The following WWOX variants were observed in gnomAD, a reference collection of about 807,000 sequenced individuals.
WWOX encodes WW domain containing oxidoreductase.
Under a neutral mutation model 46.2 loss-of-function variants are expected in WWOX, and 69 were observed. The ratio of observed to expected loss-of-function variants is 1.49; its 90% CI spans 1.23 to 1.82. WWOX has a LOEUF of 1.82. WWOX is among the 40% of genes most tolerant of loss of function. WWOX has a pLI of 0.00. For synonymous variants in WWOX, 359 were observed against 202.6 expected (o/e 1.77, Z -6.56); for missense variants, 919 against 542.6 (o/e 1.69, Z -6.89).
At chr16:78,255,419 G>A (rs2038101014) in intron 5 of WWOX, among the ~76,000 whole-genome samples, 1 of 152,202 alleles carries the variant, frequency 6.6e-6, no homozygotes, top group African/African-American at 2.4e-5. Flanking sequence ...AATTCCGCTG[G>A]ATAAATTAGC....
At chr16:78,808,018 A>G (rs928014917) in intron 8 of WWOX, among the ~76,000 whole-genome samples, 64 of 152,294 alleles carry the variant, frequency 4.2e-4, no homozygotes, top group African/African-American at 1.5e-3. Context: ...ATTAAAGTCA[A>G]CCAGTTCAAA....
At chr16:78,991,323 G>A (rs1213579438) in intron 8 of WWOX, among the ~76,000 whole-genome samples, 1 of 152,168 alleles carries the variant, frequency 6.6e-6, no homozygotes, top group Non-Finnish European at 1.5e-5. Context: ...GCCAGGCACA[G>A]TGGCTCACGC....
intron 8 of WWOX, among the ~76,000 whole-genome samples, chr16:78,932,764 T>A (rs1366004412): frequency 6.6e-6 from 1 of 152,050 alleles, no homozygotes; most frequent in Non-Finnish European, 1.5e-5. Flanking sequence ...GGAGGGACCT[T>A]CCCAGAAGAG....
intron 8 of WWOX, among the ~76,000 whole-genome samples, chr16:79,171,207 C>G (rs1424947071): frequency 2.0e-5 from 3 of 152,054 alleles, no homozygotes; most frequent in East Asian, 1.9e-4. Flanking sequence ...CATAGGGACA[C>G]CCGGGGAAAA....
intron 4 of WWOX, among the ~76,000 whole-genome samples, chr16:78,137,555 T>A (rs1448580539): frequency 1.3e-5 from 2 of 152,216 alleles, no homozygotes; most frequent in African/African-American, 2.4e-5. Flanking sequence ...TATGGATGAC[T>A]TCATATATAT....
intron 8 of WWOX, among the ~76,000 whole-genome samples, chr16:78,796,234 C>G (rs889776491): frequency 6.6e-6 from 1 of 152,196 alleles, no homozygotes; most frequent in Non-Finnish European, 1.5e-5. Flanking sequence ...TATAGACATT[C>G]AGCAACTGGC....
At chr16:78,854,788 G>A (rs989861691) in intron 8 of WWOX, among the ~76,000 whole-genome samples, 1 of 152,104 alleles carries the variant, frequency 6.6e-6, no homozygotes, top group Non-Finnish European at 1.5e-5. Context: ...ACCACTTTTG[G>A]CCAGGCTGGT....
chr16:78,170,100 A>G lies in WWOX; in HGVS notation c.516+5811A>G, dbSNP rs75388525. On this transcript the variant is annotated intron_variant, in intron 5 of 8. Transcript: ENST00000566780. Reference sequence around the variant, plus strand: ...TGTCTTGAGTCTATTACCCTCTCATATGGGAGGGGTGACCCAAGTATGTTT... The same window carrying G: ...TGTCTTGAGTCTATTACCCTCTCATGTGGGAGGGGTGACCCAAGTATGTTT... Among the ~76,000 whole-genome samples, 963 of 152,172 alleles carry G rather than the reference A, an allele frequency of 6.3e-3. 8 individuals are homozygous for G. The highest frequency in any genetic ancestry group is 0.022 in the African/African-American group (917 of 41,508).
intron 8 of WWOX, among the ~76,000 whole-genome samples, chr16:79,155,696 A>AGGGGCC (rs2050367869): frequency 6.6e-6 from 1 of 152,082 alleles, no homozygotes; most frequent in African/African-American, 2.4e-5. Flanking sequence ...GAGGTCAGGG[A>AGGGGCC]GGGGCCTCAA....
At chr16:78,935,929 A>G (rs2045727985) in intron 8 of WWOX, among the ~76,000 whole-genome samples, 2 of 152,042 alleles carry the variant, frequency 1.3e-5, no homozygotes, top group South Asian at 4.2e-4. Flanking sequence ...AATAAAATAA[A>G]ATAAGCAGCA....
At chr16:78,501,547 T>C (rs2085068890) in intron 8 of WWOX, among the ~76,000 whole-genome samples, 1 of 151,880 alleles carries the variant, frequency 6.6e-6, no homozygotes, top group African/African-American at 2.4e-5. Context: ...TCTTTCTTTT[T>C]TTTTTTTGAG....
chr16:78,570,214 G>A (rs2044679163), intron 8 of WWOX, among the ~76,000 whole-genome samples: 2 of 152,184 alleles, frequency 1.3e-5, no homozygotes, highest in Admixed American at 1.3e-4. Flanking sequence ...AATAAAGAAT[G>A]CTAGACTACG....
intron 6 of WWOX, among the ~76,000 whole-genome samples, chr16:78,399,757 C>G (rs56961915): frequency 6.6e-6 from 1 of 151,402 alleles, no homozygotes; most frequent in African/African-American, 2.4e-5. Context: ...TCTTAGCATC[C>G]TAACCACCCT....
chr16:78,896,300 G>A (rs1487612681), intron 8 of WWOX: 1 of 151,530 alleles, frequency 6.6e-6, no homozygotes, highest in Non-Finnish European at 1.5e-5. Flanking sequence ...ACAAAAATTT[G>A]GGAAAAGGAT....
intron 4 of WWOX, among the ~76,000 whole-genome samples, chr16:78,135,970 A>G (rs767639043): frequency 1.3e-5 from 2 of 152,300 alleles, no homozygotes; most frequent in South Asian, 4.1e-4. Context: ...TGTGATAACT[A>G]TATATAAAAT....
At chr16:78,667,439 G>C (rs1329013446) in intron 8 of WWOX, among the ~76,000 whole-genome samples, 2 of 152,078 alleles carry the variant, frequency 1.3e-5, no homozygotes, top group African/African-American at 4.8e-5. Flanking sequence ...GGGAGGCCGA[G>C]GCGGGTGGAT....
intron 8 of WWOX, among the ~76,000 whole-genome samples, chr16:78,712,949 C>T (rs963963756): frequency 6.6e-6 from 1 of 151,980 alleles, no homozygotes; most frequent in Non-Finnish European, 1.5e-5. Context: ...TCTCAAGAGG[C>T]AGGCTGCCAA....
rs540886483 is a variant in WWOX, at chr16:79,007,038, C to G, written c.1057-204570C>G. 7.2e-5 allele frequency among the ~76,000 whole-genome samples: 11 copies of G among 152,198 alleles called. No homozygotes were observed. The South Asian group carries it at 2.1e-3, about 29-fold the overall frequency. Reference sequence around the variant, plus strand: ...TCTGGTGAGTGGGATGGGGGTATCTCTAGGGGACCATTATCCAGCCTTCCA... The same window carrying G: ...TCTGGTGAGTGGGATGGGGGTATCTGTAGGGGACCATTATCCAGCCTTCCA... On this transcript the variant is annotated intron_variant, in intron 8 of 8. Transcript: ENST00000566780.
chr16:78,565,143 C>G (rs1480789022), intron 8 of WWOX, among the ~76,000 whole-genome samples: 1 of 152,224 alleles, frequency 6.6e-6, no homozygotes, highest in South Asian at 2.1e-4. Context: ...GGAACTCTGA[C>G]TTTGGCATTG....
Sources: allele counts gnomAD v4.1 joint callset (sites outside exome capture counted in the v4.1 genomes callset), GRCh38; gene constraint gnomAD v4.1.1; transcripts MANE v1.5; gene names NCBI Gene and HGNC (gene_info 2026-07-23, HGNC 2026-07-21).